TESK2: variants seen among roughly 807,000 people sequenced by gnomAD.
TESK2 encodes the protein dual specificity testis-specific protein kinase 2.
TESK2 carries 39 observed loss-of-function variants against 57.1 expected under a neutral mutation model. The observed-to-expected ratio is 0.68, with a 90% CI of 0.53 to 0.89. The LOEUF is 0.89. TESK2 is among the 40% of genes least tolerant of loss of function. TESK2 has a pLI of 0.00. For synonymous variants in TESK2, 249 were observed against 267.9 expected, an observed-to-expected ratio of 0.93 and a Z score of 0.69; for missense variants, 646 against 732.1, an observed-to-expected ratio of 0.88 and a Z score of 1.36.
intron 2 of TESK2, among the ~76,000 whole-genome samples, chr1:45,448,863 CAA>C (rs1425852663): frequency 2.6e-5 from 4 of 152,034 alleles, no homozygotes; most frequent in Non-Finnish European, 2.9e-5. Flanking sequence ...GGCCAAAATC[CAA>C]AACACTGACA....
At chr1:45,369,858 C>T (rs375286610) in intron 4 of TESK2, among the ~76,000 whole-genome samples, 6 of 152,046 alleles carry the variant, frequency 3.9e-5, no homozygotes, top group South Asian at 2.1e-4. Context: ...ATTAAAGGTG[C>T]GCACCATCAC....
At chr1:45,404,828 CCACCA>C (rs1370344559) in intron 3 of TESK2, among the ~76,000 whole-genome samples, 1 of 152,022 alleles carries the variant, frequency 6.6e-6, no homozygotes, top group Non-Finnish European at 1.5e-5. Context: ...CAGGCCTGAG[CCACCA>C]CACCAGGCCT....
intron 1 of TESK2, among the ~76,000 whole-genome samples, chr1:45,460,061 A>G: frequency 6.6e-6 from 1 of 151,998 alleles, no homozygotes; most frequent in East Asian, 1.9e-4. Context: ...GAGGCCCCCA[A>G]ATGGGAGACA....
In TESK2 at chr1:45,347,024, G is replaced by T; in HGVS notation, c.747C>A (p.Ile249=). The change falls in exon 8 of 11, where the codon ATC becomes ATA. Residue 249 remains isoleucine (I), a synonymous_variant. Transcript: ENST00000372086. ...CCGGATCGGCCTGGATGCGGGCGATGATCTCGCAGAGGATGATACCATAAG... is the reference window on the plus strand; with the variant it reads ...CCGGATCGGCCTGGATGCGGGCGATTATCTCGCAGAGGATGATACCATAAG... ...VFSYGIILCE[I]IARIQADPDY... is the part of the protein sequence containing the mutation. The T allele has an allele frequency of 1.2e-6, 2 of 1,614,220 alleles. No individual in the cohort carries two copies. The highest frequency in any genetic ancestry group is 2.2e-5 in the South Asian group (2 of 91,084).
In TESK2 at chr1:45,456,840, C is replaced by G. The variant is rs560052107; in HGVS notation, c.222+724G>C. On this transcript the variant is annotated intron_variant, in intron 2 of 10. Coordinates refer to ENST00000372086, the MANE Select transcript of TESK2 (RefSeq NM_007170.3). ...AATGGAAGTCTGCAGAAGTTCTCTTCTGCTTGCTTCAATTTTCTCAGTGAA... is the reference window on the plus strand; with the variant it reads ...AATGGAAGTCTGCAGAAGTTCTCTTGTGCTTGCTTCAATTTTCTCAGTGAA... 1.4e-4 allele frequency among the ~76,000 whole-genome samples: 21 copies of G among 152,264 alleles called. No individual in the cohort carries two copies. The East Asian group carries it at 3.9e-3, about 28-fold the overall frequency.
At chr1:45,477,849 T>C (rs1011359661) in intron 1 of TESK2, among the ~76,000 whole-genome samples, 5 of 152,218 alleles carry the variant, frequency 3.3e-5, no homozygotes, top group Non-Finnish European at 7.3e-5. Context: ...TTCCCTACAC[T>C]TAACGCACCC....
Position 45,450,249 on chromosome 1 carries a change from C to G in TESK2, c.222+7315G>C, listed in dbSNP as rs1012897077. Among the ~76,000 whole-genome samples, 12 of 152,272 alleles carry G rather than the reference C, an allele frequency of 7.9e-5. No homozygotes were observed. The East Asian group carries it at 2.3e-3, about 29-fold the overall frequency. On this transcript the variant is annotated intron_variant, in intron 2 of 10. Transcript: ENST00000372086. ...TTAATAGGCTGGGCACAGTGGCTCACGCCTGTAATCCCAGCACTTTGGGAG... is the reference window on the plus strand; with the variant it reads ...TTAATAGGCTGGGCACAGTGGCTCAGGCCTGTAATCCCAGCACTTTGGGAG...
At chr1:45,413,726 G>A in intron 3 of TESK2, 1 of 402,572 alleles carries the variant, frequency 2.5e-6, no homozygotes, top group South Asian at 1.8e-5. Flanking sequence ...GAGAACAGAA[G>A]TCTCATCTAC....
chr1:45,421,884 G>A (rs374132586), intron 2 of TESK2, 38 bp from the exon 3 acceptor site: 20 of 1,610,088 alleles, frequency 1.2e-5, no homozygotes, highest in Admixed American at 5.0e-5. Context: ...AGGGTCAAGG[G>A]CAATAGTTAT....
intron 4 of TESK2, among the ~76,000 whole-genome samples, chr1:45,377,518 A>C (rs1403432422): frequency 3.3e-5 from 5 of 150,340 alleles, no homozygotes; most frequent in African/African-American, 1.2e-4. Flanking sequence ...TCCCAGGCTC[A>C]AGTGATTCTC....
chr1:45,410,058 G>C (rs1014409213), intron 3 of TESK2, among the ~76,000 whole-genome samples: 1 of 151,874 alleles, frequency 6.6e-6, no homozygotes, highest in South Asian at 2.1e-4. Context: ...CCAGCTACTC[G>C]GGAGGCTGAA....
At position 45,344,291 on chromosome 1, in the gene TESK2, T is replaced by C. The variant is rs1647105593; in HGVS notation, c.*549A>G. 6.3e-6 allele frequency: 1 copy of C among 158,080 alleles called. No individual in the cohort carries two copies. The highest frequency in any genetic ancestry group is 1.4e-5 in the Non-Finnish European group (1 of 71,396). The allele number at this position is 158,080 out of a possible 1,614,324, so 9.8% of individuals were successfully genotyped here. On this transcript the variant is annotated 3_prime_UTR_variant, in exon 11 of 11. Coordinates refer to ENST00000372086, the MANE Select transcript of TESK2 (RefSeq NM_007170.3). ...AGCCATGACCACCACGCTGCCTTGC[T>C]GTCCCCTTGCATAGAAATGTAGTGA...
At chr1:45,490,062 G>T (rs1219925812) in intron 1 of TESK2, among the ~76,000 whole-genome samples, 1 of 152,098 alleles carries the variant, frequency 6.6e-6, no homozygotes, top group East Asian at 1.9e-4. Context: ...GAGCACACTC[G>T]TTTTCTGCCT....
rs749775459 is a variant in TESK2 at position 45,345,236 on chromosome 1, C to T, written c.1320G>A (p.Leu440=). ...LDAPGPGTMP[L]ADWQEPLAPP... is the part of the protein sequence containing the mutation. Reference sequence around the variant, plus strand: ...GGGCCAGGGGCTCCTGCCAGTCAGCCAGGGGCATAGTTCCGGGCCCTGGTG... The same window carrying T: ...GGGCCAGGGGCTCCTGCCAGTCAGCTAGGGGCATAGTTCCGGGCCCTGGTG... The change falls in exon 11 of 11, where the codon CTG becomes CTA. Residue 440 remains leucine (L), a synonymous_variant. Coordinates refer to ENST00000372086, the MANE Select transcript of TESK2 (RefSeq NM_007170.3). 8.1e-6 allele frequency: 13 copies of T among 1,614,100 alleles called. No individual in the cohort carries two copies. Among genetic ancestry groups the T allele is most frequent in the African/African-American group, 1.3e-5 (1 of 74,920 alleles).
chr1:45,427,234 CAAAAAA>C (rs111269135), intron 2 of TESK2, among the ~76,000 whole-genome samples: 2 of 129,510 alleles, frequency 1.5e-5, no homozygotes, highest in African/African-American at 6.6e-5. Context: ...GACTCTGTCT[CAAAAAA>C]AAAAAAAAAA....
At chr1:45,443,286 C>T (rs950682756) in intron 2 of TESK2, among the ~76,000 whole-genome samples, 2 of 151,842 alleles carry the variant, frequency 1.3e-5, no homozygotes, top group Non-Finnish European at 2.9e-5. Flanking sequence ...ATAAACTGGC[C>T]GGGCATGGTG....
intron 1 of TESK2, among the ~76,000 whole-genome samples, chr1:45,481,360 G>A (rs892224525): frequency 5.9e-5 from 9 of 151,770 alleles, no homozygotes; most frequent in African/African-American, 1.2e-4. Flanking sequence ...GCAACACTCC[G>A]TCTCAAAAAA....
At position 45,434,710 on chromosome 1, in the gene TESK2, T is replaced by C. The variant is rs1246924704; in HGVS notation, c.223-12864A>G. ...GAGATGGTTTTTTATTTTTTACTGT[T>C]GAGTTGTTTGAGTTCCTTGTATATT... On this transcript the variant is annotated intron_variant, in intron 2 of 10. Transcript: ENST00000372086. Among the ~76,000 whole-genome samples, 4 of 152,050 alleles carry C rather than the reference T, an allele frequency of 2.6e-5. No individual in the cohort carries two copies. In the East Asian group the frequency reaches 7.7e-4, roughly 29 times the overall value.
At chr1:45,464,999 G>C (rs1192299533) in intron 1 of TESK2, among the ~76,000 whole-genome samples, 1 of 152,166 alleles carries the variant, frequency 6.6e-6, no homozygotes, top group East Asian at 1.9e-4. Flanking sequence ...CACTTTGGGA[G>C]GCCAAGGCAG....
Sources: allele counts gnomAD v4.1 joint callset (sites outside exome capture counted in the v4.1 genomes callset), GRCh38; gene constraint gnomAD v4.1.1; transcripts MANE v1.5; gene names NCBI Gene and HGNC (gene_info 2026-07-23, HGNC 2026-07-21).